PHF21B: variants seen among roughly 807,000 people sequenced by gnomAD.
PHF21B encodes PHD finger protein 21B.
Under a neutral mutation model 62.2 loss-of-function variants are expected in PHF21B, and 22 were observed. That is an observed-to-expected ratio of 0.35 (90% CI 0.25 to 0.51). The LOEUF is 0.51. PHF21B is among the 20% of genes least tolerant of loss of function. The probability of loss-of-function intolerance (pLI) is 0.97; values close to 1 mark genes in which losing one functional copy is unlikely to be tolerated. For missense variants in PHF21B, 701 were observed against 707.9 expected, an observed-to-expected ratio of 0.99 and a Z score of 0.11; for synonymous variants, 341 against 314.7, an observed-to-expected ratio of 1.08 and a Z score of -0.88.
At position 44,927,943 on chromosome 22, in the gene PHF21B, T is replaced by C. The variant is rs373179928; in HGVS notation, c.121-7453A>G. On this transcript the variant is annotated intron_variant, in intron 2 of 12. Coordinates refer to ENST00000313237, the MANE Select transcript of PHF21B (RefSeq NM_138415.5). The stretch of plus-strand genomic sequence containing the variant: ...AGATAACTTCAAATTCTTCCTGCCA[T>C]GGCTGAGTCTGGGGCGGGGCGGGGC... Among the ~76,000 whole-genome samples the C allele has an allele frequency of 7.2e-5, 11 of 152,226 alleles. No homozygotes were observed. The East Asian group carries it at 1.7e-3, about 24-fold the overall frequency.
rs73889896 is a variant in PHF21B, at chr22:44,964,706, T to C, written c.120+43839A>G. Among the ~76,000 whole-genome samples the C allele has an allele frequency of 8.3e-3, 1,269 of 152,344 alleles. 14 individuals carry two copies. The highest frequency in any genetic ancestry group is 0.03 in the African/African-American group (1,229 of 41,582). On this transcript the variant is annotated intron_variant, in intron 2 of 12. Coordinates refer to ENST00000313237, the MANE Select transcript of PHF21B (RefSeq NM_138415.5). ...CCAGTGGGTCTACTCTGTTCATTCA[T>C]TCATTCACTCATTCATTCACTTATT... is the stretch of plus-strand genomic sequence containing the variant.
intron 2 of PHF21B, among the ~76,000 whole-genome samples, chr22:44,993,525 G>C (rs1224214482): frequency 2.6e-5 from 4 of 152,222 alleles, no homozygotes; most frequent in African/African-American, 4.8e-5. Context: ...CCACAGCCAA[G>C]AACAGCGAGT....
intron 2 of PHF21B, chr22:45,003,069 T>C (rs942799424): frequency 6.6e-6 from 1 of 152,248 alleles, no homozygotes; most frequent in Non-Finnish European, 1.5e-5. Context: ...CTTGAAACTG[T>C]TCTCCACGCC....
At chr22:45,000,073 C>T (rs897852953) in intron 2 of PHF21B, among the ~76,000 whole-genome samples, 9 of 152,236 alleles carry the variant, frequency 5.9e-5, no homozygotes, top group East Asian at 1.9e-4. Flanking sequence ...GCCTCCAAGG[C>T]GGCAAAGCCT....
At chr22:44,943,734 A>G (rs969232979) in intron 2 of PHF21B, among the ~76,000 whole-genome samples, 2 of 151,834 alleles carry the variant, frequency 1.3e-5, no homozygotes, top group Non-Finnish European at 2.9e-5. Context: ...GCCGTGTGAC[A>G]CTCACCCTCA....
intron 2 of PHF21B, among the ~76,000 whole-genome samples, chr22:44,984,177 C>A (rs2072900678): frequency 2.6e-5 from 3 of 115,974 alleles, no homozygotes; most frequent in Admixed American, 1.8e-4. Context: ...TCATCACCAT[C>A]ACAACCACCA....
chr22:44,975,698 G>A (rs1326972020), intron 2 of PHF21B, among the ~76,000 whole-genome samples: 3 of 152,156 alleles, frequency 2.0e-5, no homozygotes, highest in African/African-American at 4.8e-5. Context: ...GGAAGCCCAC[G>A]GCCACGCCCA....
At chr22:44,919,233 A>G (rs2071492750) in intron 3 of PHF21B, among the ~76,000 whole-genome samples, 1 of 152,266 alleles carries the variant, frequency 6.6e-6, no homozygotes, top group South Asian at 2.1e-4. Flanking sequence ...CTGGACTCAC[A>G]GTATCTGTTT....
chr22:44,916,785 C>A (rs543866304), intron 3 of PHF21B, among the ~76,000 whole-genome samples, 155 bp from the exon 4 acceptor site: 1 of 152,320 alleles, frequency 6.6e-6, no homozygotes, highest in East Asian at 1.9e-4. Flanking sequence ...GGTGAGACCT[C>A]GACCCCAATG....
intron 2 of PHF21B, among the ~76,000 whole-genome samples, chr22:44,971,982 G>C (rs976874781): frequency 6.6e-6 from 1 of 152,224 alleles, no homozygotes; most frequent in Non-Finnish European, 1.5e-5. Context: ...GGTTGCAGTT[G>C]GGGGGAGAGA....
At chr22:44,942,994 G>GCCCCCC (rs2071989569) in intron 2 of PHF21B, among the ~76,000 whole-genome samples, 1 of 47,092 alleles carries the variant, frequency 2.1e-5, no homozygotes, top group African/African-American at 7.2e-5. Flanking sequence ...AGCAGGGAGG[G>GCCCCCC]ACCCCCCCCC....
At chr22:45,008,746 G>T in intron 1 of PHF21B, 136 bp from the exon 2 acceptor site, 1 of 1,151,518 alleles carries the variant, frequency 8.7e-7, no homozygotes, top group Non-Finnish European at 1.1e-6. Flanking sequence ...TTCCCGGGCC[G>T]CGTCCTGCAC....
Position 44,916,364 on chromosome 22 carries a change from G to A in PHF21B, c.480C>T (p.Ala160=), listed in dbSNP as rs6519902. The A allele has an allele frequency of 0.11, 175,690 of 1,593,502 alleles. 11,798 individuals are homozygous for A. The highest frequency in any genetic ancestry group is 0.3 in the African/African-American group (22,236 of 73,972). Residue 160 remains alanine, a synonymous_variant, in exon 4 of 13, where the codon GCC becomes GCT. Transcript: ENST00000313237. The part of the protein sequence containing the change: ...YAIISTSPSN[A]AAMAPSTAVS... ...CGGCGGTGCTGGGGGCCATGGCGGCGGCATTGCTGGGGGAGGTGGAGATGA... is the reference window on the plus strand; with the variant it reads ...CGGCGGTGCTGGGGGCCATGGCGGCAGCATTGCTGGGGGAGGTGGAGATGA...
chr22:44,931,523 G>A (rs1411308245), intron 2 of PHF21B, among the ~76,000 whole-genome samples: 4 of 152,012 alleles, frequency 2.6e-5, no homozygotes, highest in African/African-American at 4.8e-5. Context: ...CCCGTTCAGC[G>A]GCCCTCGGCG....
In PHF21B at chr22:44,914,054, G is replaced by T. The variant is rs1439479889; in HGVS notation, c.599C>A (p.Ala200Glu). 6.1e-6 allele frequency: 8 copies of T among 1,319,924 alleles called. No individual in the cohort carries two copies. The East Asian group carries it at 1.7e-4, about 27-fold the overall frequency. 81.8% of individuals were successfully genotyped at this position (1,319,924 alleles called of 1,614,324 possible). ...PPRLLSSPHP[A>E]THHCPLHPSS... ...GGGGTGGAGGGGACAGTGATGGGTT[G>T]CGGGGTGAGGGGAAGAGAGGAGGCG... The change falls in exon 5 of 13, where the codon GCA (alanine) becomes GAA (glutamate). Residue 200 changes from alanine to glutamate, a missense_variant. Ala to Glu is a moderately radical substitution (Grantham distance 107). Coordinates refer to ENST00000313237, the MANE Select transcript of PHF21B (RefSeq NM_138415.5).
rs115743527 is a variant in PHF21B, at chr22:44,990,296, T to C, written c.120+18249A>G. Among the ~76,000 whole-genome samples the C allele has an allele frequency of 3.9e-3, 589 of 152,294 alleles. 6 individuals carry two copies. Among genetic ancestry groups the C allele is most frequent in the African/African-American group, 0.013 (529 of 41,556 alleles). ...GGAAGAAAAGCACAAGTCCCATCCA[T>C]CAATTCCACTTCTGCATAGATACCC... On this transcript the variant is annotated intron_variant, in intron 2 of 12. Transcript: ENST00000313237.
intron 2 of PHF21B, among the ~76,000 whole-genome samples, chr22:44,927,667 C>T (rs148252986): frequency 6.6e-6 from 1 of 152,164 alleles, no homozygotes; most frequent in African/African-American, 2.4e-5. Context: ...TCCAAGCCTA[C>T]CCGAGTGCGT....
intron 2 of PHF21B, among the ~76,000 whole-genome samples, chr22:44,926,622 C>G (rs1028677262): frequency 6.6e-6 from 1 of 152,186 alleles, no homozygotes; most frequent in Admixed American, 6.5e-5. Flanking sequence ...CTGAGGAGGC[C>G]GAGGACAGCC....
chr22:44,891,633 T>TCTA, intron 7 of PHF21B, among the ~76,000 whole-genome samples: 1 of 152,198 alleles, frequency 6.6e-6, no homozygotes, highest in East Asian at 1.9e-4. Flanking sequence ...CATGGGTGCG[T>TCTA]CTAGCTCAGG....
Sources: allele counts gnomAD v4.1 joint callset (sites outside exome capture counted in the v4.1 genomes callset), GRCh38; gene constraint gnomAD v4.1.1; transcripts MANE v1.5; gene names NCBI Gene and HGNC (gene_info 2026-07-23, HGNC 2026-07-21).